ATP2C2: variants seen among roughly 807,000 people sequenced by gnomAD.
ATP2C2 encodes calcium-transporting ATPase type 2C member 2.
ATP2C2 carries 171 observed loss-of-function variants against 110.8 expected under a neutral mutation model. The ratio of observed to expected loss-of-function variants is 1.54; its 90% CI spans 1.36 to 1.75. The LOEUF (loss-of-function observed/expected upper bound fraction) is 1.75, where lower values mean the gene tolerates loss of function less well. Ranked by LOEUF, ATP2C2 falls within the 40% of genes most tolerant of loss-of-function variation. ATP2C2 has a pLI of 0.00. For missense variants in ATP2C2, 1,963 were observed against 1,235.0 expected, an observed-to-expected ratio of 1.59 and a Z score of -8.84; for synonymous variants, 804 against 508.4, an observed-to-expected ratio of 1.58 and a Z score of -7.82.
At chr16:84,404,902 A>C in intron 2 of ATP2C2, 1 of 639,196 alleles carries the variant, frequency 1.6e-6, no homozygotes, top group South Asian at 1.5e-5. Context: ...TTAAGACCAG[A>C]GTCGTCTTTT....
intron 11 of ATP2C2, among the ~76,000 whole-genome samples, chr16:84,437,452 C>A (rs1215079447): frequency 1.3e-5 from 2 of 152,132 alleles, no homozygotes; most frequent in Non-Finnish European, 2.9e-5. Context: ...CTCAAATGAT[C>A]TGCCAGTGTG....
At chr16:84,389,032 C>G (rs111918688) in intron 1 of ATP2C2, among the ~76,000 whole-genome samples, 2 of 152,182 alleles carry the variant, frequency 1.3e-5, no homozygotes, top group African/African-American at 4.8e-5. Flanking sequence ...GCTGGGATTA[C>G]AGGCATGAGC....
intron 7 of ATP2C2, 70 bp from the exon 8 acceptor site, chr16:84,422,320 T>C: frequency 1.3e-6 from 2 of 1,531,770 alleles, no homozygotes; most frequent in Non-Finnish European, 1.8e-6. Context: ...GCTGGTACCA[T>C]TTTGTGCTTT....
At chr16:84,444,290 T>C (rs997707128) in intron 15 of ATP2C2, among the ~76,000 whole-genome samples, 1 of 149,324 alleles carries the variant, frequency 6.7e-6, no homozygotes, top group African/African-American at 2.5e-5. Flanking sequence ...CTGGCCAACA[T>C]GGTGAAACCT....
intron 6 of ATP2C2, among the ~76,000 whole-genome samples, chr16:84,414,214 A>G (rs1203335801): frequency 6.6e-6 from 1 of 152,186 alleles, no homozygotes; most frequent in Non-Finnish European, 1.5e-5. Flanking sequence ...CTTGGCTACA[A>G]GGAACAGAAA....
At chr16:84,379,764 G>A (rs1049684900) in intron 1 of ATP2C2, among the ~76,000 whole-genome samples, 2 of 152,140 alleles carry the variant, frequency 1.3e-5, no homozygotes, top group Admixed American at 6.5e-5. Flanking sequence ...TGAGCAAAGC[G>A]CTGATCCTAC....
At position 84,410,906 on chromosome 16, in the gene ATP2C2, G is replaced by A. The variant is rs186643380; in HGVS notation, c.515+141G>A. The stretch of plus-strand genomic sequence containing the variant: ...ATCTCACTGGGAGTTCTAAGGCCTG[G>A]TCTCCGCCTGCCAATAGGTCGCTGT... On this transcript the variant is annotated intron_variant, in intron 6 of 26. Transcript: ENST00000262429. 8.6e-3 allele frequency: 6,764 copies of A among 785,822 alleles called. 53 individuals carry two copies. The highest frequency in any genetic ancestry group is 0.011 in the Non-Finnish European group (5,126 of 482,892). 48.7% of individuals were successfully genotyped at this position (785,822 alleles called of 1,614,324 possible). A position where few individuals can be genotyped will look rare whatever the true frequency, so the allele number is the denominator to read the frequency against.
At chr16:84,389,450 A>G (rs1000834728) in intron 1 of ATP2C2, among the ~76,000 whole-genome samples, 2 of 152,232 alleles carry the variant, frequency 1.3e-5, no homozygotes, top group African/African-American at 4.8e-5. Context: ...CATGACACAC[A>G]GTCATGGTTG....
At chr16:84,392,085 C>T (rs1174581488) in intron 1 of ATP2C2, among the ~76,000 whole-genome samples, 1 of 151,680 alleles carries the variant, frequency 6.6e-6, no homozygotes, top group African/African-American at 2.4e-5. Context: ...TGGAGAATTC[C>T]AATCATATGC....
chr16:84,380,289 G>C (rs1366071380), intron 1 of ATP2C2, among the ~76,000 whole-genome samples: 3 of 152,106 alleles, frequency 2.0e-5, no homozygotes, highest in Non-Finnish European at 4.4e-5. Context: ...ACTTATTATT[G>C]AATTCTCCTA....
In ATP2C2 at chr16:84,422,630, G is replaced by A. The variant is rs773746134; in HGVS notation, c.776G>A (p.Gly259Glu). 13 of 1,613,002 alleles carry A rather than the reference G, an allele frequency of 8.1e-6. No homozygotes were observed. The highest frequency in any genetic ancestry group is 1.3e-5 in the African/African-American group (1 of 74,826). Reference protein sequence around the residue: ...GTLVQYGRGQGVVIGTGESSQ... With the variant: ...GTLVQYGRGQEVVIGTGESSQ... ...TACTTCTCTCTCTCCTGGACACAGG[G>A]GGTCGTGATTGGAACAGGGGAAAGC... The change falls in exon 9 of 27, where the codon GGG (glycine) becomes GAG (glutamate). Residue 259 changes from glycine (G) to glutamate (E), a missense_variant and splice_region_variant. Physicochemically the swap from Gly to Glu is moderately conservative, Grantham distance 98. Coordinates refer to ENST00000262429, the MANE Select transcript of ATP2C2 (RefSeq NM_014861.4).
intron 1 of ATP2C2, among the ~76,000 whole-genome samples, chr16:84,371,899 C>T (rs1229972411): frequency 2.0e-5 from 3 of 152,198 alleles, no homozygotes; most frequent in Non-Finnish European, 4.4e-5. Flanking sequence ...CAGTTCTCTA[C>T]CCTCAGGTAT....
At chr16:84,375,472 C>T (rs1033074028) in intron 1 of ATP2C2, among the ~76,000 whole-genome samples, 4 of 149,814 alleles carry the variant, frequency 2.7e-5, no homozygotes, top group Non-Finnish European at 3.0e-5. Context: ...ATCGGGGAGG[C>T]ACATGTTGCA....
intron 1 of ATP2C2, among the ~76,000 whole-genome samples, chr16:84,391,205 T>C (rs909471000): frequency 2.6e-5 from 4 of 151,300 alleles, no homozygotes; most frequent in African/African-American, 9.7e-5. Flanking sequence ...AGGGACACTC[T>C]CTGACCTTTA....
At chr16:84,426,814 G>C (rs1907851661) in intron 11 of ATP2C2, among the ~76,000 whole-genome samples, 1 of 152,208 alleles carries the variant, frequency 6.6e-6, no homozygotes, top group African/African-American at 2.4e-5. Flanking sequence ...AGGGCTGGGA[G>C]TCATCATCAC....
intron 1 of ATP2C2, among the ~76,000 whole-genome samples, chr16:84,370,851 A>G (rs1242463528): frequency 2.0e-5 from 3 of 152,046 alleles, no homozygotes; most frequent in African/African-American, 7.2e-5. Context: ...TCTAATAGTG[A>G]TTGTTACTGA....
intron 1 of ATP2C2, among the ~76,000 whole-genome samples, chr16:84,376,698 G>A (rs879566726): frequency 1.3e-5 from 2 of 152,210 alleles, no homozygotes; most frequent in Non-Finnish European, 2.9e-5. Flanking sequence ...AGTCATGGCC[G>A]CTGGGTGGAG....
rs369461362 is a variant in ATP2C2 at position 84,459,978 on chromosome 16, T to C, written c.2333+592T>C. 14 of 247,708 alleles carry C rather than the reference T, an allele frequency of 5.7e-5. No individual in the cohort carries two copies. In the East Asian group the frequency reaches 9.5e-4, roughly 17 times the overall value. 15.3% of individuals were successfully genotyped at this position (247,708 alleles called of 1,614,324 possible). On this transcript the variant is annotated intron_variant, in intron 23 of 26. Transcript: ENST00000262429. ...GTGGGGGAAGGAATGCGCTTTGGAG[T>C]CAGGGGACCCATCTGGCCACGTGTG...
At chr16:84,402,181 A>T (rs191491146) in intron 2 of ATP2C2, among the ~76,000 whole-genome samples, 1 of 152,208 alleles carries the variant, frequency 6.6e-6, no homozygotes, top group Non-Finnish European at 1.5e-5. Context: ...TGTATCCTCT[A>T]ACTTTACTGA....
Sources: allele counts gnomAD v4.1 joint callset (sites outside exome capture counted in the v4.1 genomes callset), GRCh38; gene constraint gnomAD v4.1.1; transcripts MANE v1.5; gene names NCBI Gene and HGNC (gene_info 2026-07-23, HGNC 2026-07-21).